The following PAK1 variants were observed in gnomAD, a reference collection of about 807,000 sequenced individuals.
PAK1 encodes p21 (RAC1) activated kinase 1, also known as serine/threonine-protein kinase PAK 1.
PAK1 carries 29 observed loss-of-function variants against 67.4 expected under a neutral mutation model. That is an observed-to-expected ratio of 0.43 (90% CI 0.32 to 0.59). The LOEUF (loss-of-function observed/expected upper bound fraction) is 0.59. Ranked by LOEUF, PAK1 falls within the 20% of genes least tolerant of loss-of-function variation. The probability of loss-of-function intolerance (pLI) is 0.07; values close to 1 mark genes in which losing one functional copy is unlikely to be tolerated. For synonymous variants in PAK1, 223 were observed against 237.4 expected (o/e 0.94, Z 0.56); for missense variants, 337 against 670.7 (o/e 0.50, Z 5.50).
intron 1 of PAK1, among the ~76,000 whole-genome samples, chr11:77,436,650 C>A (rs1370666486): frequency 6.6e-6 from 1 of 152,176 alleles, no homozygotes; most frequent in African/African-American, 2.4e-5. Context: ...AAGAAATAAA[C>A]AATCTAATTA....
chr11:77,424,293 G>A (rs1262457561), intron 1 of PAK1, among the ~76,000 whole-genome samples: 1 of 152,194 alleles, frequency 6.6e-6, no homozygotes, highest in Non-Finnish European at 1.5e-5. Flanking sequence ...GTCTTTAAGT[G>A]CTAAATCCAA....
chr11:77,459,179 T>C (rs1957209648), intron 1 of PAK1, among the ~76,000 whole-genome samples: 2 of 152,198 alleles, frequency 1.3e-5, no homozygotes, highest in Admixed American at 1.3e-4. Context: ...TTAAGTTCCC[T>C]GAATAACTAA....
At chr11:77,380,091 G>A (rs1949618804) in intron 2 of PAK1, 97 bp from the exon 3 acceptor site, 1 of 791,814 alleles carries the variant, frequency 1.3e-6, no homozygotes, top group Admixed American at 2.5e-5. Flanking sequence ...CCTTGAGAGG[G>A]CAAAGTCTAT....
chr11:77,414,293 C>A (rs1954829316), intron 1 of PAK1, among the ~76,000 whole-genome samples: 1 of 152,202 alleles, frequency 6.6e-6, no homozygotes. Context: ...CATCAGTGAA[C>A]AGAACCACAT....
At chr11:77,439,838 C>A (rs73494591) in intron 1 of PAK1, among the ~76,000 whole-genome samples, 6,315 of 152,246 alleles carry the variant, frequency 0.041, 456 homozygotes, top group African/African-American at 0.14. Flanking sequence ...GGGAAAATTT[C>A]TCAGGAGAGT....
intron 1 of PAK1, among the ~76,000 whole-genome samples, chr11:77,408,689 T>C (rs977424710): frequency 3.3e-5 from 5 of 152,074 alleles, no homozygotes; most frequent in Non-Finnish European, 5.9e-5. Flanking sequence ...ATTAACGAAG[T>C]GGAGACAACC....
chr11:77,499,485 C>T, the PAK1 span, among the ~76,000 whole-genome samples: 1,291 of 152,300 alleles, frequency 8.5e-3, 16 homozygotes, highest in African/African-American at 0.03. Context: ...GCTGTTCCCT[C>T]ATCCTGGAAT....
At chr11:77,395,949 C>T (rs916060602) in intron 1 of PAK1, among the ~76,000 whole-genome samples, 2 of 152,172 alleles carry the variant, frequency 1.3e-5, no homozygotes, top group African/African-American at 4.8e-5. Context: ...TGTACCTTCC[C>T]ACTCCAGGCT....
At chr11:77,374,125 G>T (rs1948791704) in intron 5 of PAK1, among the ~76,000 whole-genome samples, 1 of 152,098 alleles carries the variant, frequency 6.6e-6, no homozygotes. Context: ...CACAAAGAAA[G>T]AATTTCTAGG....
chr11:77,497,795 T>C, the PAK1 span, among the ~76,000 whole-genome samples: 44 of 152,382 alleles, frequency 2.9e-4, no homozygotes, highest in Admixed American at 7.8e-4. Context: ...CTTTGCATTT[T>C]CTGACTTTGA....
chr11:77,351,880 A>AT (rs11389420), intron 8 of PAK1, among the ~76,000 whole-genome samples: 38,370 of 148,800 alleles, frequency 0.26, 5,261 homozygotes, highest in South Asian at 0.5. Context: ...TAGAAATCTC[A>AT]TTTTTTTTTT....
the PAK1 span, among the ~76,000 whole-genome samples, chr11:77,506,527 G>A: frequency 2.6e-4 from 40 of 152,120 alleles, 1 homozygote; most frequent in Non-Finnish European, 8.8e-5. Context: ...AGCCAGTTCC[G>A]ATTTGTATTT....
the PAK1 span, chr11:77,529,802 A>T: frequency 1.3e-5 from 2 of 152,278 alleles, no homozygotes; most frequent in African/African-American, 4.8e-5. Context: ...AAGACGGAAA[A>T]GAATAGGCCT....
intron 10 of PAK1, among the ~76,000 whole-genome samples, chr11:77,343,480 G>A (rs1411852499): frequency 6.6e-6 from 1 of 152,180 alleles, no homozygotes; most frequent in Non-Finnish European, 1.5e-5. Flanking sequence ...TATTCAGGAG[G>A]ATGAGCAGAA....
At chr11:77,437,833 T>C (rs1956196148) in intron 1 of PAK1, among the ~76,000 whole-genome samples, 1 of 152,232 alleles carries the variant, frequency 6.6e-6, no homozygotes, top group Non-Finnish European at 1.5e-5. Flanking sequence ...TAGATAGGTA[T>C]AAATGTTTTC....
chr11:77,405,704 CA>C (rs1953438281), intron 1 of PAK1, among the ~76,000 whole-genome samples: 1 of 151,690 alleles, frequency 6.6e-6, no homozygotes, highest in African/African-American at 2.4e-5. Flanking sequence ...CACACACACA[CA>C]CACACACACC....
At chr11:77,428,524 AT>A (rs1213667741) in intron 1 of PAK1, among the ~76,000 whole-genome samples, 1 of 151,146 alleles carries the variant, frequency 6.6e-6, no homozygotes, top group Non-Finnish European at 1.5e-5. Flanking sequence ...GTGAGCCGAG[AT>A]TGCACCACTG....
At chr11:77,379,135 C>A (rs1015528407) in intron 4 of PAK1, 106 bp downstream of exon 4, 7 of 974,782 alleles carry the variant, frequency 7.2e-6, no homozygotes, top group Non-Finnish European at 1.0e-5. Flanking sequence ...CACTTCCACT[C>A]TTTCCACTAC....
At chr11:77,344,267 A>G (rs966157367) in intron 9 of PAK1, among the ~76,000 whole-genome samples, 6 of 152,248 alleles carry the variant, frequency 3.9e-5, no homozygotes, top group Admixed American at 6.5e-5. Flanking sequence ...ATACTTTTAA[A>G]AAGTCACAAC....
Sources: allele counts gnomAD v4.1 joint callset (sites outside exome capture counted in the v4.1 genomes callset), GRCh38; gene constraint gnomAD v4.1.1; transcripts MANE v1.5; gene names NCBI Gene and HGNC (gene_info 2026-07-23, HGNC 2026-07-21).